The following RFX3 variants were observed in gnomAD, a reference collection of about 807,000 sequenced individuals.
RFX3 encodes transcription factor RFX3.
In RFX3, 14 loss-of-function variants were observed where a neutral mutation model predicts 98.6. The ratio of observed to expected loss-of-function variants is 0.14; its 90% CI spans 0.09 to 0.22. RFX3 has a LOEUF of 0.22. Among genes scored for constraint, RFX3 ranks in the 10% least tolerant of loss-of-function variants. The pLI is 1.00. For missense variants in RFX3, 639 were observed against 926.9 expected (o/e 0.69, Z 4.03); for synonymous variants, 383 against 328.4 (o/e 1.17, Z -1.80).
chr9:3,379,462 A>G (rs1331247587), intron 2 of RFX3, among the ~76,000 whole-genome samples: 1 of 152,154 alleles, frequency 6.6e-6, no homozygotes, highest in Non-Finnish European at 1.5e-5. Context: ...TAGCTTTAAC[A>G]TTTTCATATT....
intron 3 of RFX3, chr9:3,344,856 A>T: frequency 1.4e-6 from 1 of 715,966 alleles, no homozygotes; most frequent in Non-Finnish European, 2.6e-6. Flanking sequence ...AAGATTCCAA[A>T]ATCATGCTCC....
chr9:3,245,856 A>C (rs1435673662), intron 15 of RFX3, among the ~76,000 whole-genome samples: 1 of 152,178 alleles, frequency 6.6e-6, no homozygotes, highest in Admixed American at 6.5e-5. Flanking sequence ...CCCACTATGT[A>C]CACAGGCACG....
At chr9:3,259,135 A>C (rs1822535754) in intron 13 of RFX3, among the ~76,000 whole-genome samples, 1 of 152,024 alleles carries the variant, frequency 6.6e-6, no homozygotes, top group African/African-American at 2.4e-5. Flanking sequence ...TTAGTATTAC[A>C]AATAAAGCTG....
rs751265713 is a variant in RFX3, at chr9:3,480,457, A to C, written c.-9+45290T>G. Among the ~76,000 whole-genome samples, 12 of 152,214 alleles carry C rather than the reference A, an allele frequency of 7.9e-5. 1 individual carries two copies. Among genetic ancestry groups the C allele is most frequent in the Non-Finnish European group, 4.4e-5 (3 of 68,032 alleles). Reference sequence around the variant, plus strand: ...TAATCCCTTTGCATTCTCTTTGTTAAAACAAGCTACAGGCCCAACCCAAAC... The same window carrying C: ...TAATCCCTTTGCATTCTCTTTGTTACAACAAGCTACAGGCCCAACCCAAAC... On this transcript the variant is annotated intron_variant, in intron 1 of 16. Coordinates refer to ENST00000617270, the MANE Select transcript of RFX3 (RefSeq NM_001282116.2).
chr9:3,352,276 G>A (rs990201380), intron 2 of RFX3, among the ~76,000 whole-genome samples: 3 of 151,822 alleles, frequency 2.0e-5, no homozygotes, highest in African/African-American at 7.2e-5. Context: ...ATACATATCA[G>A]CATATATGTT....
At chr9:3,457,436 C>G (rs1011179102) in intron 1 of RFX3, among the ~76,000 whole-genome samples, 2 of 152,118 alleles carry the variant, frequency 1.3e-5, no homozygotes, top group Admixed American at 6.6e-5. Flanking sequence ...CCCTTACTGT[C>G]ATTAGTCTTC....
chr9:3,505,451 A>AAAAAATACTTTATATTTATAT (rs1816981229), intron 1 of RFX3, among the ~76,000 whole-genome samples: 1 of 24,718 alleles, frequency 4.0e-5, no homozygotes, highest in South Asian at 1.3e-3. Flanking sequence ...ATATTTATAT[A>AAAAAATACTTTATATTTATAT]AAATATAAAA....
chr9:3,278,471 C>T (rs1283286717), intron 7 of RFX3, among the ~76,000 whole-genome samples: 1 of 151,636 alleles, frequency 6.6e-6, no homozygotes, highest in Non-Finnish European at 1.5e-5. Flanking sequence ...ATTATATTTA[C>T]AAACAAACTA....
intron 1 of RFX3, among the ~76,000 whole-genome samples, chr9:3,501,429 C>G (rs1815985881): frequency 6.6e-6 from 1 of 151,916 alleles, no homozygotes; most frequent in Non-Finnish European, 1.5e-5. Context: ...CTCCGAGGGC[C>G]ATAAAAATAT....
intron 2 of RFX3, among the ~76,000 whole-genome samples, chr9:3,383,632 A>G (rs1839419797): frequency 6.6e-6 from 1 of 152,156 alleles, no homozygotes; most frequent in African/African-American, 2.4e-5. Context: ...GCCAGGACAA[A>G]GAGAGTGGCT....
chr9:3,332,613 G>A (rs904598987), intron 3 of RFX3, among the ~76,000 whole-genome samples: 38 of 152,180 alleles, frequency 2.5e-4, no homozygotes, highest in African/African-American at 5.5e-4. Context: ...AAATAAAACC[G>A]CTTAAAAACC....
In RFX3 at chr9:3,223,741, G is replaced by C. The variant is rs1053027923; in HGVS notation, c.*1301C>G. 1.3e-5 allele frequency: 2 copies of C among 152,188 alleles called. No individual in the cohort carries two copies. Among genetic ancestry groups the C allele is most frequent in the Non-Finnish European group, 2.9e-5 (2 of 68,028 alleles). The allele number at this position is 152,188 out of a possible 1,614,324, so 9.4% of individuals were successfully genotyped here. ...AATCTGAAAATGACAGGCACACTTT[G>C]TCAAATGGATTGAAGAGTTAGTCAC... On this transcript the variant is annotated 3_prime_UTR_variant, in exon 17 of 17. Coordinates refer to ENST00000617270, the MANE Select transcript of RFX3 (RefSeq NM_001282116.2).
intron 4 of RFX3, among the ~76,000 whole-genome samples, chr9:3,327,194 C>T (rs191952667): frequency 6.6e-6 from 1 of 151,680 alleles, no homozygotes; most frequent in African/African-American, 2.4e-5. Flanking sequence ...GGCATGGCAT[C>T]TCCTAAAAAA....
Position 3,221,477 on chromosome 9 carries a change from T to C in RFX3, c.*3565A>G, listed in dbSNP as rs939182872. On this transcript the variant is annotated 3_prime_UTR_variant, in exon 17 of 17. Transcript: ENST00000617270. Reference sequence around the variant, plus strand: ...AGTGTTAAAACCATTTTCTAAATTTTACTTTTGTTTTTAAAGTACACCATC... The same window carrying C: ...AGTGTTAAAACCATTTTCTAAATTTCACTTTTGTTTTTAAAGTACACCATC... 1 of 152,202 alleles carries C rather than the reference T, an allele frequency of 6.6e-6. No homozygotes were observed. Among genetic ancestry groups the C allele is most frequent in the African/African-American group, 2.4e-5 (1 of 41,468 alleles). 9.4% of individuals were successfully genotyped at this position (152,202 alleles called of 1,614,324 possible). A position where few individuals can be genotyped will look rare whatever the true frequency, so the allele number is the denominator to read the frequency against.
At chr9:3,398,393 T>C (rs752689576) in intron 1 of RFX3, among the ~76,000 whole-genome samples, 6 of 152,114 alleles carry the variant, frequency 3.9e-5, no homozygotes, top group Admixed American at 6.5e-5. Context: ...TTTGATTTAT[T>C]ACACATTTAT....
chr9:3,248,211 G>T (rs2130961242), intron 14 of RFX3, 26 bp from the exon 15 acceptor site: 2 of 1,570,992 alleles, frequency 1.3e-6, no homozygotes. Flanking sequence ...AGACAAATAT[G>T]CAGCTAACAT....
At chr9:3,298,321 G>A (rs775166878) in intron 5 of RFX3, among the ~76,000 whole-genome samples, 1 of 151,672 alleles carries the variant, frequency 6.6e-6, no homozygotes, top group Non-Finnish European at 1.5e-5. Context: ...ACCAGAAGAA[G>A]ACCACCCTTT....
At chr9:3,334,815 G>C (rs967705023) in intron 3 of RFX3, among the ~76,000 whole-genome samples, 7 of 152,114 alleles carry the variant, frequency 4.6e-5, no homozygotes, top group African/African-American at 1.4e-4. Context: ...AGTAATACAG[G>C]CTGATTATAA....
At chr9:3,309,239 C>G (rs373272729) in intron 4 of RFX3, among the ~76,000 whole-genome samples, 1 of 151,990 alleles carries the variant, frequency 6.6e-6, no homozygotes, top group African/African-American at 2.4e-5. Flanking sequence ...TCAGAAAGGG[C>G]AAGGGAGATG....
Sources: allele counts gnomAD v4.1 joint callset (sites outside exome capture counted in the v4.1 genomes callset), GRCh38; gene constraint gnomAD v4.1.1; transcripts MANE v1.5; gene names NCBI Gene and HGNC (gene_info 2026-07-23, HGNC 2026-07-21).